Variants in BAZ2B observed in about 807,000 individuals in gnomAD.
BAZ2B encodes bromodomain adjacent to zinc finger domain 2B, also known as bromodomain adjacent to zinc finger domain protein 2B.
In BAZ2B, 91 loss-of-function variants were observed where a neutral mutation model predicts 246.0. The observed-to-expected ratio is 0.37, with a 90% CI of 0.31 to 0.44. The LOEUF (loss-of-function observed/expected upper bound fraction) is 0.44. BAZ2B is among the 20% of genes least tolerant of loss of function. The pLI is 1.00. For synonymous variants in BAZ2B, 855 were observed against 860.0 expected (o/e 0.99, Z 0.10); for missense variants, 2,332 against 2,533.7 (o/e 0.92, Z 1.71).
chr2:159,410,550 G>C (rs2066656063), intron 14 of BAZ2B, among the ~76,000 whole-genome samples: 1 of 152,124 alleles, frequency 6.6e-6, no homozygotes, highest in Admixed American at 6.5e-5. Flanking sequence ...TCCACCATGA[G>C]TGTAAGTTCC....
At chr2:159,359,048 C>T (rs1052947816) in intron 27 of BAZ2B, among the ~76,000 whole-genome samples, 1 of 152,098 alleles carries the variant, frequency 6.6e-6, no homozygotes, top group African/African-American at 2.4e-5. Flanking sequence ...ATTAAAAGAA[C>T]TGAGAGGCAA....
At chr2:159,589,666 C>G (rs1454991351) in intron 1 of BAZ2B, among the ~76,000 whole-genome samples, 1 of 152,116 alleles carries the variant, frequency 6.6e-6, no homozygotes, top group Non-Finnish European at 1.5e-5. Context: ...TTATCTCATC[C>G]TATTTCATTT....
chr2:159,390,045 G>C (rs2063139771), intron 20 of BAZ2B, among the ~76,000 whole-genome samples: 1 of 152,104 alleles, frequency 6.6e-6, no homozygotes, highest in Non-Finnish European at 1.5e-5. Context: ...CTCTGTTGTA[G>C]GGAATGACTT....
At chr2:159,649,617 C>A in the BAZ2B span, among the ~76,000 whole-genome samples, 1 of 152,032 alleles carries the variant, frequency 6.6e-6, no homozygotes, top group Non-Finnish European at 1.5e-5. Flanking sequence ...CTTTTTTTTC[C>A]TCAAGCTGCT....
At chr2:159,510,877 A>T (rs2082849391) in intron 2 of BAZ2B, among the ~76,000 whole-genome samples, 1 of 152,200 alleles carries the variant, frequency 6.6e-6, no homozygotes, top group Non-Finnish European at 1.5e-5. Flanking sequence ...TCACTCATTA[A>T]GCAATTAATC....
intron 16 of BAZ2B, among the ~76,000 whole-genome samples, chr2:159,402,328 T>C (rs1469067737): frequency 3.3e-5 from 5 of 152,148 alleles, no homozygotes; most frequent in East Asian, 1.9e-4. Flanking sequence ...TGCATGCCTA[T>C]AATCCCAGCT....
At chr2:159,511,486 G>A (rs193004851) in intron 2 of BAZ2B, among the ~76,000 whole-genome samples, 10 of 152,138 alleles carry the variant, frequency 6.6e-5, no homozygotes, top group African/African-American at 9.7e-5. Flanking sequence ...CACTACAGGC[G>A]TGAGGTGTCG....
chr2:159,456,740 T>C (rs902794480), intron 3 of BAZ2B, among the ~76,000 whole-genome samples: 3 of 152,196 alleles, frequency 2.0e-5, no homozygotes, highest in African/African-American at 7.2e-5. Flanking sequence ...GCATCCTTAG[T>C]GACGACTGAG....
intron 2 of BAZ2B, among the ~76,000 whole-genome samples, chr2:159,537,413 G>T (rs764888898): frequency 7.2e-5 from 11 of 152,240 alleles, no homozygotes; most frequent in Admixed American, 6.5e-5. Flanking sequence ...CTGGATAAAG[G>T]GATAAATGAG....
intron 14 of BAZ2B, among the ~76,000 whole-genome samples, chr2:159,408,527 T>G (rs1223155944): frequency 6.6e-6 from 1 of 152,156 alleles, no homozygotes; most frequent in Non-Finnish European, 1.5e-5. Context: ...ACTCACATCT[T>G]TTTACTTTAG....
chr2:159,567,228 C>A (rs1253616201), intron 1 of BAZ2B, among the ~76,000 whole-genome samples: 1 of 151,696 alleles, frequency 6.6e-6, no homozygotes, highest in African/African-American at 2.4e-5. Context: ...GGGCAACAGG[C>A]TCAAAGAAAA....
At chr2:159,408,345 T>A (rs1035051497) in intron 14 of BAZ2B, among the ~76,000 whole-genome samples, 13 of 152,308 alleles carry the variant, frequency 8.5e-5, no homozygotes, top group Non-Finnish European at 1.5e-4. Context: ...GCTAATTTTT[T>A]AAAAATTTCT....
At chr2:159,558,663 A>G (rs891421441) in intron 1 of BAZ2B, among the ~76,000 whole-genome samples, 3 of 152,226 alleles carry the variant, frequency 2.0e-5, no homozygotes, top group Middle Eastern at 3.2e-3. Flanking sequence ...AATATGAAGA[A>G]AAAAACAGAA....
chr2:159,677,336 T>C, the BAZ2B span, among the ~76,000 whole-genome samples: 407 of 152,220 alleles, frequency 2.7e-3, 2 homozygotes, highest in African/African-American at 9.2e-3. Flanking sequence ...CACAATGATA[T>C]TTTGTTTCAA....
At chr2:159,551,043 G>C (rs1438541461) in intron 2 of BAZ2B, among the ~76,000 whole-genome samples, 1 of 152,052 alleles carries the variant, frequency 6.6e-6, no homozygotes, top group East Asian at 1.9e-4. Flanking sequence ...TCACTATATT[G>C]CCCAGGTTGG....
At chr2:159,649,586 C>A in the BAZ2B span, among the ~76,000 whole-genome samples, 1 of 152,216 alleles carries the variant, frequency 6.6e-6, no homozygotes, top group East Asian at 1.9e-4. Context: ...GGGTTGGGGA[C>A]CCCTGCTGTA....
intron 20 of BAZ2B, among the ~76,000 whole-genome samples, chr2:159,391,800 AT>A (rs1298847634): frequency 1.3e-5 from 2 of 152,148 alleles, no homozygotes; most frequent in East Asian, 3.9e-4. Context: ...TAAAATGGAG[AT>A]TTCCAAAAAA....
upstream of BAZ2B, chr2:159,616,736 G>T (rs1006432816): frequency 1.3e-5 from 2 of 152,192 alleles, no homozygotes; most frequent in African/African-American, 4.8e-5. Flanking sequence ...CTTTGAGTTT[G>T]CACCGTTCCT....
chr2:159,583,531 T>C (rs1209102779), intron 1 of BAZ2B, among the ~76,000 whole-genome samples: 1 of 152,176 alleles, frequency 6.6e-6, no homozygotes, highest in Non-Finnish European at 1.5e-5. Flanking sequence ...TACAGTCAAG[T>C]GGAACAAACA....
Sources: gnomAD v4.1 joint callset for allele counts (sites outside exome capture counted in the v4.1 genomes callset) on GRCh38, gnomAD v4.1.1 for gene constraint, MANE v1.5 for transcripts, NCBI Gene and HGNC (gene_info 2026-07-23, HGNC 2026-07-21) for gene names.